Variants in SCAI observed in about 807,000 individuals in gnomAD.
SCAI encodes the protein protein SCAI.
SCAI carries 24 observed loss-of-function variants against 92.2 expected under a neutral mutation model. The ratio of observed to expected loss-of-function variants is 0.26; its 90% CI spans 0.19 to 0.37. SCAI has a LOEUF of 0.37. SCAI is among the 10% of genes least tolerant of loss of function. The pLI is 1.00. For synonymous variants in SCAI, 261 were observed against 258.6 expected, an observed-to-expected ratio of 1.01 and a Z score of -0.09; for missense variants, 450 against 736.2, an observed-to-expected ratio of 0.61 and a Z score of 4.50.
In SCAI at chr9:125,109,049, T is replaced by C. The variant is rs116351650; in HGVS notation, c.98+33584A>G. Among the ~76,000 whole-genome samples the C allele has an allele frequency of 5.0e-3, 768 of 152,348 alleles. 6 individuals are homozygous for C. The highest frequency in any genetic ancestry group is 0.018 in the African/African-American group (736 of 41,576). ...TCTGCCCTGGGATGCTGTTGATCTATCACCTTACCCCCAACCCGCTGCTCT... is the reference window on the plus strand; with the variant it reads ...TCTGCCCTGGGATGCTGTTGATCTACCACCTTACCCCCAACCCGCTGCTCT... On this transcript the variant is annotated intron_variant, in intron 2 of 17. Transcript: ENST00000336505.
At chr9:125,084,069 GGTCT>G (rs1834273899) in intron 2 of SCAI, among the ~76,000 whole-genome samples, 1 of 151,010 alleles carries the variant, frequency 6.6e-6, no homozygotes, top group Admixed American at 6.6e-5. Context: ...GGAACGAGAG[GGTCT>G]GTCTAAAAAT....
intron 9 of SCAI, among the ~76,000 whole-genome samples, chr9:125,011,135 G>A (rs55858012): frequency 0.17 from 24,430 of 144,026 alleles, 1,919 homozygotes; most frequent in East Asian, 0.25. Context: ...CCTCTCCTCC[G>A]CCAAAGGAAT....
chr9:125,062,130 A>ATT (rs111660631), intron 2 of SCAI, among the ~76,000 whole-genome samples: 2 of 146,406 alleles, frequency 1.4e-5, no homozygotes, highest in Non-Finnish European at 3.0e-5. Flanking sequence ...TAATCTCTAG[A>ATT]TTTTTTTTTT....
intron 13 of SCAI, 40 bp from the exon 14 acceptor site, chr9:124,995,055 C>T (rs1436774778): frequency 2.8e-6 from 4 of 1,434,052 alleles, no homozygotes; most frequent in East Asian, 4.6e-5. Flanking sequence ...ACTGTGTCAG[C>T]CACATCTCAG....
intron 2 of SCAI, among the ~76,000 whole-genome samples, chr9:125,100,560 C>T (rs1203583941): frequency 6.6e-6 from 1 of 152,176 alleles, no homozygotes; most frequent in South Asian, 2.1e-4. Flanking sequence ...TTACATGTCA[C>T]GCAATGTTCA....
chr9:125,016,707 C>T (rs1832767426), intron 9 of SCAI, among the ~76,000 whole-genome samples: 1 of 151,968 alleles, frequency 6.6e-6, no homozygotes, highest in Admixed American at 6.6e-5. Context: ...GGTGCTAGGT[C>T]TACTGGAAAT....
intron 8 of SCAI, 23 bp downstream of exon 8, chr9:125,019,083 TG>T: frequency 6.4e-7 from 1 of 1,556,506 alleles, no homozygotes; most frequent in African/African-American, 1.4e-5. Flanking sequence ...TCAATAATTA[TG>T]ATTTTTCTTA....
chr9:125,076,618 ACTTTG>A (rs1166404329), intron 2 of SCAI, among the ~76,000 whole-genome samples: 1 of 152,194 alleles, frequency 6.6e-6, no homozygotes, highest in Admixed American at 6.5e-5. Context: ...TAATCCCAGC[ACTTTG>A]GGAGGTCGAG....
chr9:125,102,995 T>C (rs1834709497), intron 2 of SCAI, among the ~76,000 whole-genome samples: 1 of 152,124 alleles, frequency 6.6e-6, no homozygotes, highest in Non-Finnish European at 1.5e-5. Context: ...GCCCTCTGCT[T>C]TTCCTCACTG....
At chr9:125,040,261 G>A (rs183915035) in intron 3 of SCAI, among the ~76,000 whole-genome samples, 5 of 152,256 alleles carry the variant, frequency 3.3e-5, no homozygotes, top group Admixed American at 2.6e-4. Flanking sequence ...GGTGGCTGAG[G>A]TGGGAGGATT....
intron 9 of SCAI, among the ~76,000 whole-genome samples, chr9:125,012,473 A>C (rs1440497629): frequency 6.6e-6 from 1 of 152,346 alleles, no homozygotes; most frequent in East Asian, 1.9e-4. Flanking sequence ...ATTCAACAAG[A>C]GCTAACTAGC....
chr9:125,034,012 G>T (rs556115157), intron 3 of SCAI, among the ~76,000 whole-genome samples: 3 of 152,294 alleles, frequency 2.0e-5, no homozygotes, highest in Non-Finnish European at 4.4e-5. Flanking sequence ...TCACTGGGAA[G>T]AGTTTGACAA....
At chr9:125,061,492 G>A (rs947066210) in intron 2 of SCAI, among the ~76,000 whole-genome samples, 44 of 152,322 alleles carry the variant, frequency 2.9e-4, no homozygotes, top group African/African-American at 1.0e-3. Flanking sequence ...GGGCCCAGTG[G>A]CTCACGCCTG....
intron 14 of SCAI, among the ~76,000 whole-genome samples, chr9:124,988,609 G>A (rs1258788887): frequency 1.3e-5 from 2 of 151,840 alleles, no homozygotes; most frequent in African/African-American, 2.4e-5. Flanking sequence ...TCAATAAAAG[G>A]CTTAGAAGAT....
At chr9:125,028,021 C>G (rs1305057578) in intron 5 of SCAI, among the ~76,000 whole-genome samples, 1 of 152,106 alleles carries the variant, frequency 6.6e-6, no homozygotes, top group South Asian at 2.1e-4. Flanking sequence ...TTTAAAGTAT[C>G]CTTCTGAAAA....
chr9:125,090,262 G>C (rs1371601246), intron 2 of SCAI, among the ~76,000 whole-genome samples: 1 of 152,158 alleles, frequency 6.6e-6, no homozygotes, highest in East Asian at 1.9e-4. Context: ...TATGTAAAAG[G>C]CCTCTAGAAA....
rs2131562010 is a variant in SCAI, at chr9:124,947,965, A to C, written c.*4842T>G. On this transcript the variant is annotated 3_prime_UTR_variant, in exon 18 of 18. Coordinates refer to ENST00000336505, the MANE Select transcript of SCAI (RefSeq NM_001144877.3). ...GTGTTCTCTGTATATCAGGCTGATT[A>C]CAAGTCTCCATAAATAAAATTTTTC... is the stretch of plus-strand genomic sequence containing the variant. 1 of 152,312 alleles carries C rather than the reference A, an allele frequency of 6.6e-6. No homozygotes were observed. Among genetic ancestry groups the C allele is most frequent in the Non-Finnish European group, 1.5e-5 (1 of 68,024 alleles). 9.4% of individuals were successfully genotyped at this position (152,312 alleles called of 1,614,324 possible). A position where few individuals can be genotyped will look rare whatever the true frequency, so the allele number is the denominator to read the frequency against.
At chr9:124,994,469 A>C (rs1202921521) in intron 14 of SCAI, among the ~76,000 whole-genome samples, 1 of 152,174 alleles carries the variant, frequency 6.6e-6, no homozygotes, top group Non-Finnish European at 1.5e-5. Flanking sequence ...ATTGTCACAA[A>C]TTTTCAAAAA....
At chr9:125,013,765 A>G (rs1275588272) in intron 9 of SCAI, among the ~76,000 whole-genome samples, 2 of 152,250 alleles carry the variant, frequency 1.3e-5, no homozygotes, top group Non-Finnish European at 2.9e-5. Flanking sequence ...ATGAACATCA[A>G]TGCAAAAATC....
Sources: gnomAD v4.1 joint callset for allele counts (sites outside exome capture counted in the v4.1 genomes callset) on GRCh38, gnomAD v4.1.1 for gene constraint, MANE v1.5 for transcripts, NCBI Gene and HGNC (gene_info 2026-07-23, HGNC 2026-07-21) for gene names.